The following ADAM12 variants were observed in gnomAD, a reference collection of about 807,000 sequenced individuals.
ADAM12 encodes ADAM metallopeptidase domain 12, also known as disintegrin and metalloproteinase domain-containing protein 12.
ADAM12 carries 70 observed loss-of-function variants against 106.4 expected under a neutral mutation model. That is an observed-to-expected ratio of 0.66 (90% CI 0.54 to 0.80). The LOEUF (loss-of-function observed/expected upper bound fraction) is 0.80, where lower values mean the gene tolerates loss of function less well. Among genes scored for constraint, ADAM12 ranks in the 30% least tolerant of loss-of-function variants. The pLI is 0.00. For synonymous variants in ADAM12, 420 were observed against 433.5 expected (o/e 0.97, Z 0.39); for missense variants, 1,010 against 1,171.9 (o/e 0.86, Z 2.02).
At chr10:126,198,651 G>A (rs1957643319) in intron 3 of ADAM12, among the ~76,000 whole-genome samples, 1 of 152,204 alleles carries the variant, frequency 6.6e-6, no homozygotes, top group African/African-American at 2.4e-5. Flanking sequence ...CTGCACCTCT[G>A]GATGAGGCTG....
intron 3 of ADAM12, among the ~76,000 whole-genome samples, chr10:126,184,277 A>C (rs1014480432): frequency 6.6e-6 from 1 of 152,252 alleles, no homozygotes; most frequent in African/African-American, 2.4e-5. Context: ...CGGTTTTGTA[A>C]TATCAGCAAC....
rs563270104 is a variant in ADAM12 at position 126,256,840 on chromosome 10, G to C, written c.260+22075C>G. ...TTATATTAACACCAACATTGCAAAG[G>C]CTGGTTCTTTAAGTACTATATTGCA... On this transcript the variant is annotated intron_variant, in intron 3 of 22. Coordinates refer to ENST00000448723, the MANE Select transcript of ADAM12 (RefSeq NM_001288973.2). Among the ~76,000 whole-genome samples the C allele has an allele frequency of 8.4e-4, 128 of 152,218 alleles. 1 individual carries two copies. The highest frequency in any genetic ancestry group is 2.6e-3 in the African/African-American group (109 of 41,528).
At position 126,338,246 on chromosome 10, in the gene ADAM12, AT is replaced by A. The variant is rs200317403; in HGVS notation, c.89-7738del. Among the ~76,000 whole-genome samples the A allele has an allele frequency of 3.7e-3, 329 of 89,836 alleles. 1 individual carries two copies. Among genetic ancestry groups the A allele is most frequent in the East Asian group, 0.013 (37 of 2,806 alleles). The allele number at this position is 89,836 out of a possible 152,430, so 58.9% of individuals were successfully genotyped here. On this transcript the variant is annotated intron_variant, in intron 1 of 22. Coordinates refer to ENST00000448723, the MANE Select transcript of ADAM12 (RefSeq NM_001288973.2). ...AAAGTCACTTACAACAGTAACTTAC[AT>A]TTTTTTTTTTTTTTTTTTTTTTTGA...
intron 1 of ADAM12, among the ~76,000 whole-genome samples, chr10:126,364,959 A>G (rs985847205): frequency 6.6e-6 from 1 of 152,124 alleles, no homozygotes; most frequent in African/African-American, 2.4e-5. Context: ...AGAGTTTGAA[A>G]GGAGGAACTT....
At chr10:126,211,335 G>A (rs111688344) in intron 3 of ADAM12, among the ~76,000 whole-genome samples, 61 of 152,182 alleles carry the variant, frequency 4.0e-4, no homozygotes, top group African/African-American at 1.4e-3. Flanking sequence ...CCACCCTCCC[G>A]GGCTCAGCAA....
chr10:126,217,931 C>A (rs893530759), intron 3 of ADAM12, among the ~76,000 whole-genome samples: 1 of 150,498 alleles, frequency 6.6e-6, no homozygotes, highest in Admixed American at 6.6e-5. Context: ...GCCAAGATCA[C>A]GTCACTGCAC....
At chr10:126,058,231 G>T (rs1337839028) in intron 14 of ADAM12, among the ~76,000 whole-genome samples, 3 of 152,222 alleles carry the variant, frequency 2.0e-5, no homozygotes, top group African/African-American at 4.8e-5. Context: ...TCCTACCTGT[G>T]GGCAGGGATG....
rs372624477 is a variant in ADAM12 at position 126,064,786 on chromosome 10, A to C, written c.1609+20T>G. ...TCTGCCAGTGCCTCTCCTGATGCCGAGCTTGTGGCGGCCACGTACCTGGTC... is the reference window on the plus strand; with the variant it reads ...TCTGCCAGTGCCTCTCCTGATGCCGCGCTTGTGGCGGCCACGTACCTGGTC... On this transcript the variant is annotated intron_variant, in intron 14 of 22. Coordinates refer to ENST00000448723, the MANE Select transcript of ADAM12 (RefSeq NM_001288973.2). The surrounding 1 kb of genome is among the most constrained non-coding windows in gnomAD (Gnocchi z 4.4). 3.1e-5 allele frequency: 49 copies of C among 1,586,038 alleles called. No homozygotes were observed. The Admixed American group carries it at 5.9e-4, about 19-fold the overall frequency.
intron 1 of ADAM12, among the ~76,000 whole-genome samples, chr10:126,371,585 G>A (rs866848938): frequency 2.6e-5 from 4 of 152,188 alleles, no homozygotes; most frequent in Admixed American, 1.3e-4. Context: ...TGTTCTAAAT[G>A]TGTACTGTTT....
intron 3 of ADAM12, among the ~76,000 whole-genome samples, chr10:126,169,813 C>A (rs1239873710): frequency 1.3e-5 from 2 of 152,114 alleles, no homozygotes; most frequent in African/African-American, 2.4e-5. Context: ...ACCATTGAAC[C>A]AAATACCTTT....
At chr10:126,277,398 C>A (rs947175900) in intron 3 of ADAM12, among the ~76,000 whole-genome samples, 2 of 152,126 alleles carry the variant, frequency 1.3e-5, no homozygotes, top group African/African-American at 4.8e-5. Context: ...ACAATGGGAG[C>A]AGGTGCAATA....
intron 6 of ADAM12, among the ~76,000 whole-genome samples, chr10:126,116,813 C>T (rs1463167488): frequency 6.6e-6 from 1 of 152,112 alleles, no homozygotes; most frequent in Non-Finnish European, 1.5e-5. Context: ...GGGGAACAGA[C>T]ATCTATCCAC....
chr10:126,235,425 T>A (rs567585474), intron 3 of ADAM12, among the ~76,000 whole-genome samples: 1 of 152,234 alleles, frequency 6.6e-6, no homozygotes, highest in East Asian at 1.9e-4. Flanking sequence ...CTGGGAGAGA[T>A]GAGAACCAGG....
rs1387160804 is a variant in ADAM12, at chr10:126,183,934, T to C, written c.261-28629A>G. The stretch of plus-strand genomic sequence containing the variant: ...CACTAAAAACTAAGTCCACACTTAA[T>C]AAATGTTTATGTAACACAATGAAAT... On this transcript the variant is annotated intron_variant, in intron 3 of 22. Coordinates refer to ENST00000448723, the MANE Select transcript of ADAM12 (RefSeq NM_001288973.2). Among the ~76,000 whole-genome samples the C allele has an allele frequency of 2.0e-5, 3 of 152,364 alleles. No individual in the cohort carries two copies. In the South Asian group the frequency reaches 6.2e-4, roughly 32 times the overall value.
At chr10:126,184,505 T>G (rs1362927259) in intron 3 of ADAM12, among the ~76,000 whole-genome samples, 1 of 152,204 alleles carries the variant, frequency 6.6e-6, no homozygotes, top group African/African-American at 2.4e-5. Context: ...TTATTTAGAC[T>G]TAAGTACTCC....
chr10:126,235,681 T>C (rs1958400971), intron 3 of ADAM12, among the ~76,000 whole-genome samples: 1 of 152,208 alleles, frequency 6.6e-6, no homozygotes, highest in Non-Finnish European at 1.5e-5. Context: ...CATCCCTTTC[T>C]GCTCTCCTCC....
intron 5 of ADAM12, among the ~76,000 whole-genome samples, chr10:126,120,709 G>A (rs888310591): frequency 1.9e-4 from 29 of 151,398 alleles, no homozygotes; most frequent in African/African-American, 6.3e-4. Context: ...GACCTTGAGG[G>A]TTTTCCTTCA....
At chr10:126,088,927 G>T (rs1347473160) in intron 11 of ADAM12, among the ~76,000 whole-genome samples, 1 of 152,188 alleles carries the variant, frequency 6.6e-6, no homozygotes, top group Non-Finnish European at 1.5e-5. Context: ...TCTGGGTGTA[G>T]ATTGCAGAAG....
chr10:126,064,910 T>G lies in ADAM12; in HGVS notation c.1505A>C (p.Asn502Thr). Residue 502 changes from asparagine (N) to threonine (T), a missense_variant, in exon 14 of 23, where the codon AAC (asparagine) becomes ACC (threonine). Physicochemically the swap from Asn to Thr is moderately conservative, Grantham distance 65 (BLOSUM62 0). This residue lies in a region of ADAM12 where 615 missense variants were observed against 708.5 expected (regional missense o/e 0.87). Coordinates refer to ENST00000448723, the MANE Select transcript of ADAM12 (RefSeq NM_001288973.2). The surrounding 1 kb of genome is among the most constrained non-coding windows in gnomAD (Gnocchi z 4.4). Reference sequence around the variant, plus strand: ...TGAGTGCCCATCGTGCAGGTACACGTTGGCTGGGCAGTGAGGGCTGGCCCC... The same window carrying G: ...TGAGTGCCCATCGTGCAGGTACACGGTGGCTGGGCAGTGAGGGCTGGCCCC... ...CTGASPHCPANVYLHDGHSCQ... is the reference protein window; with the variant it reads ...CTGASPHCPATVYLHDGHSCQ... 1 of 1,613,210 alleles carries G rather than the reference T, an allele frequency of 6.2e-7. No homozygotes were observed. Among genetic ancestry groups the G allele is most frequent in the Non-Finnish European group, 8.5e-7 (1 of 1,179,716 alleles).
Sources: allele counts gnomAD v4.1 joint callset (sites outside exome capture counted in the v4.1 genomes callset), GRCh38; gene constraint gnomAD v4.1.1; regional missense constraint gnomAD v4.1.1; non-coding constraint Gnocchi (gnomAD v3.1); transcripts MANE v1.5; gene names NCBI Gene and HGNC (gene_info 2026-07-23, HGNC 2026-07-21).